The following GRID2 variants were observed in gnomAD, a reference collection of about 807,000 sequenced individuals.
GRID2 encodes glutamate receptor ionotropic, delta-2.
In GRID2, 33 loss-of-function variants were observed where a neutral mutation model predicts 114.8. That is an observed-to-expected ratio of 0.29 (90% CI 0.22 to 0.38). GRID2 has a LOEUF of 0.38. GRID2 is among the 10% of genes least tolerant of loss of function. The probability of loss-of-function intolerance (pLI) is 1.00; values close to 1 mark genes in which losing one functional copy is unlikely to be tolerated. For synonymous variants in GRID2, 505 were observed against 449.9 expected, an observed-to-expected ratio of 1.12 and a Z score of -1.55; for missense variants, 1,184 against 1,257.7, an observed-to-expected ratio of 0.94 and a Z score of 0.89.
At chr4:92,911,016 C>G (rs567635408) in intron 2 of GRID2, among the ~76,000 whole-genome samples, 62 of 152,102 alleles carry the variant, frequency 4.1e-4, no homozygotes, top group Middle Eastern at 3.4e-3. Flanking sequence ...GAATAGAGTA[C>G]AAATACTGCA....
intron 2 of GRID2, among the ~76,000 whole-genome samples, chr4:93,068,719 G>C (rs747382012): frequency 1.3e-5 from 2 of 151,850 alleles, no homozygotes; most frequent in Non-Finnish European, 2.9e-5. Flanking sequence ...GTAATCTCGT[G>C]TTAGAGCTTT....
At chr4:92,974,835 TAAACAAACA>T (rs1430101361) in intron 2 of GRID2, among the ~76,000 whole-genome samples, 2 of 151,578 alleles carry the variant, frequency 1.3e-5, no homozygotes, top group African/African-American at 4.8e-5. Context: ...AAAGTATAAT[TAAACAAACA>T]AAACAAACAA....
intron 14 of GRID2, among the ~76,000 whole-genome samples, chr4:93,688,354 T>A (rs937961007): frequency 8.6e-5 from 13 of 151,948 alleles, no homozygotes; most frequent in African/African-American, 2.9e-4. Context: ...CACTGCTACT[T>A]GATGCTTGCT....
chr4:92,963,245 C>T (rs184775501), intron 2 of GRID2, among the ~76,000 whole-genome samples: 3 of 152,082 alleles, frequency 2.0e-5, no homozygotes, highest in Admixed American at 6.6e-5. Context: ...TGCAGTTTGC[C>T]TTATCAATTG....
intron 14 of GRID2, among the ~76,000 whole-genome samples, chr4:93,648,390 G>T (rs1722300874): frequency 6.6e-6 from 1 of 152,062 alleles, no homozygotes; most frequent in Non-Finnish European, 1.5e-5. Flanking sequence ...GATATTAAAG[G>T]AAAAAGAGGA....
intron 7 of GRID2, among the ~76,000 whole-genome samples, chr4:93,228,635 G>A (rs1745773012): frequency 6.6e-6 from 1 of 152,156 alleles, no homozygotes. Flanking sequence ...GTCTAATCTA[G>A]CCTCAAGGTG....
chr4:93,210,083 G>A (rs1473022307), intron 5 of GRID2, among the ~76,000 whole-genome samples: 1 of 151,996 alleles, frequency 6.6e-6, no homozygotes, highest in Non-Finnish European at 1.5e-5. Context: ...CTTTTGCTGT[G>A]CATAAGCTCG....
chr4:92,971,593 T>C (rs1273125290), intron 2 of GRID2, among the ~76,000 whole-genome samples: 2 of 152,052 alleles, frequency 1.3e-5, no homozygotes, highest in African/African-American at 2.4e-5. Context: ...ACTAAATTAT[T>C]GTTAATCGTA....
chr4:93,511,772 CCTT>C (rs34795887), intron 12 of GRID2, among the ~76,000 whole-genome samples: 4,049 of 151,104 alleles, frequency 0.027, 116 homozygotes, highest in African/African-American at 0.093. Flanking sequence ...TTTTTCCATT[CCTT>C]CTTCTTTTTT....
At chr4:92,638,886 A>G (rs1191333199) in intron 2 of GRID2, among the ~76,000 whole-genome samples, 1 of 151,156 alleles carries the variant, frequency 6.6e-6, no homozygotes, top group Non-Finnish European at 1.5e-5. Flanking sequence ...CTATTTGTTC[A>G]GTTTTTATAA....
rs567684854 is a variant in GRID2 at position 93,427,690 on chromosome 4, A to T, written c.1545+4722A>T. On this transcript the variant is annotated intron_variant, in intron 10 of 15. Coordinates refer to ENST00000282020, the MANE Select transcript of GRID2 (RefSeq NM_001510.4). ...TCCAGTACATACATACTTTTAAGAG[A>T]GGAAAATGCAGTCAGAGAGAGAGAG... Among the ~76,000 whole-genome samples, 10 of 152,112 alleles carry T rather than the reference A, an allele frequency of 6.6e-5. No individual in the cohort carries two copies. In the South Asian group the frequency reaches 1.9e-3, roughly 29 times the overall value.
chr4:93,169,229 G>T (rs556007555), intron 4 of GRID2, among the ~76,000 whole-genome samples: 2 of 150,252 alleles, frequency 1.3e-5, no homozygotes, highest in Non-Finnish European at 3.0e-5. Flanking sequence ...AATATTTATT[G>T]CCTATTTTTG....
At chr4:92,749,409 G>C (rs1462640406) in intron 2 of GRID2, among the ~76,000 whole-genome samples, 1 of 150,242 alleles carries the variant, frequency 6.7e-6, no homozygotes, top group African/African-American at 2.5e-5. Context: ...CCGCCTCCCG[G>C]GCTCAAGCAA....
At chr4:93,511,880 G>A (rs1020320003) in intron 12 of GRID2, among the ~76,000 whole-genome samples, 3 of 151,510 alleles carry the variant, frequency 2.0e-5, no homozygotes, top group African/African-American at 4.9e-5. Flanking sequence ...CATCTCTCGG[G>A]TTCAAGCAAT....
rs184924987 is a variant in GRID2, at chr4:92,593,432, A to G, written c.244+3146A>G. On this transcript the variant is annotated intron_variant, in intron 2 of 15. Transcript: ENST00000282020. ...AGAGAGAGGAATTCAGTGACAGCCT[A>G]TATAACCCATAAACAGTAATAAAGA... is the stretch of plus-strand genomic sequence containing the variant. Among the ~76,000 whole-genome samples, 14 of 152,118 alleles carry G rather than the reference A, an allele frequency of 9.2e-5. No homozygotes were observed. The South Asian group carries it at 2.5e-3, about 27-fold the overall frequency.
chr4:92,623,147 AAT>A (rs1476483766), intron 2 of GRID2, among the ~76,000 whole-genome samples: 1 of 151,668 alleles, frequency 6.6e-6, no homozygotes, highest in Non-Finnish European at 1.5e-5. Context: ...AATATTTTAA[AAT>A]AGTTATTTTA....
intron 1 of GRID2, among the ~76,000 whole-genome samples, chr4:92,525,084 A>G (rs1417394367): frequency 6.6e-6 from 1 of 152,016 alleles, no homozygotes; most frequent in Non-Finnish European, 1.5e-5. Context: ...ACTCATTTGC[A>G]AAAGAAAAGG....
At chr4:93,171,025 G>A (rs923929468) in intron 4 of GRID2, among the ~76,000 whole-genome samples, 5 of 151,802 alleles carry the variant, frequency 3.3e-5, no homozygotes, top group Non-Finnish European at 7.4e-5. Context: ...TGCCACCTAC[G>A]GTTTATACTC....
intron 1 of GRID2, among the ~76,000 whole-genome samples, chr4:92,398,726 T>G (rs1298468561): frequency 2.0e-5 from 3 of 152,286 alleles, no homozygotes; most frequent in Non-Finnish European, 4.4e-5. Flanking sequence ...GAAGTAAGAA[T>G]TGGGCAGATG....
Sources: gnomAD v4.1 joint callset for allele counts (sites outside exome capture counted in the v4.1 genomes callset) on GRCh38, gnomAD v4.1.1 for gene constraint, MANE v1.5 for transcripts, NCBI Gene and HGNC (gene_info 2026-07-23, HGNC 2026-07-21) for gene names.